Variants in FAF2 observed in about 807,000 individuals in gnomAD.
The protein encoded by FAF2 is FAS-associated factor 2.
Under a neutral mutation model 62.3 loss-of-function variants are expected in FAF2, and 9 were observed. That is an observed-to-expected ratio of 0.14 (90% CI 0.09 to 0.25). FAF2 has a LOEUF of 0.25. Among genes scored for constraint, FAF2 ranks in the 10% least tolerant of loss-of-function variants. The pLI, the probability that FAF2 is intolerant of heterozygous loss-of-function variation, is 1.00. For synonymous variants in FAF2, 202 were observed against 198.0 expected (o/e 1.02, Z -0.17); for missense variants, 368 against 556.2 (o/e 0.66, Z 3.40).
chr5:176,495,764 C>T (rs879323736), intron 7 of FAF2, among the ~76,000 whole-genome samples: 17 of 151,422 alleles, frequency 1.1e-4, no homozygotes, highest in African/African-American at 1.5e-4. Flanking sequence ...CAACCACCTC[C>T]GCCTCCCAAA....
chr5:176,494,057 A>G lies in FAF2; in HGVS notation c.542A>G (p.Asp181Gly). 2 of 1,614,052 alleles carry G rather than the reference A, an allele frequency of 1.2e-6. No homozygotes were observed. Among genetic ancestry groups the G allele is most frequent in the Non-Finnish European group, 1.7e-6 (2 of 1,179,952 alleles). The change falls in exon 6 of 11, where the codon GAT (aspartate) becomes GGT (glycine). Residue 181 changes from aspartate to glycine, a missense_variant. By Grantham distance (94) the Asp-to-Gly change is moderately conservative. This residue lies in a region of FAF2 where 331 missense variants were observed against 441.9 expected (regional missense o/e 0.75). Coordinates refer to ENST00000261942, the MANE Select transcript of FAF2 (RefSeq NM_014613.3). The surrounding 1 kb of genome is among the most constrained non-coding windows in gnomAD (Gnocchi z 4.0). Reference sequence around the variant, plus strand: ...CTTTTGGTTTATCTTCATGGAGATGATCACCAGGACTCTGATGAGTTTTGT... The same window carrying G: ...CTTTTGGTTTATCTTCATGGAGATGGTCACCAGGACTCTGATGAGTTTTGT... ...RFLLVYLHGD[D>G]HQDSDEFCRN...
chr5:176,451,375 A>G (rs1758165809), intron 1 of FAF2, among the ~76,000 whole-genome samples: 1 of 152,034 alleles, frequency 6.6e-6, no homozygotes, highest in African/African-American at 2.4e-5. Context: ...TGTCTCAAAA[A>G]AAAAATTTTT....
At chr5:176,451,831 TATATATATATACACACATATATATACAC>T (rs1561813472) in intron 1 of FAF2, among the ~76,000 whole-genome samples, 2 of 25,990 alleles carry the variant, frequency 7.7e-5, no homozygotes, top group African/African-American at 1.6e-4. Context: ...TATATATACA[TATATATATATACACACATATATATACAC>T]ATATATATAT....
At chr5:176,467,129 CTTTTTTT>C (rs374702773) in intron 1 of FAF2, among the ~76,000 whole-genome samples, 39,734 of 94,902 alleles carry the variant, frequency 0.42, 8,045 homozygotes, top group Admixed American at 0.51. Context: ...TTTTTTTTTC[CTTTTTTT>C]TTTTTTTTTT....
At chr5:176,457,040 T>C (rs932572154) in intron 1 of FAF2, among the ~76,000 whole-genome samples, 3 of 152,146 alleles carry the variant, frequency 2.0e-5, no homozygotes, top group Non-Finnish European at 4.4e-5. Context: ...GGCATCGATA[T>C]TTATGAACTC....
chr5:176,487,408 C>T (rs1758894337), intron 3 of FAF2, among the ~76,000 whole-genome samples: 1 of 151,974 alleles, frequency 6.6e-6, no homozygotes, highest in African/African-American at 2.4e-5. Context: ...GTCTTGAACT[C>T]CTGAGCTCAA....
intron 2 of FAF2, among the ~76,000 whole-genome samples, chr5:176,481,670 G>A (rs1209145707): frequency 6.6e-6 from 1 of 151,506 alleles, no homozygotes; most frequent in East Asian, 2.0e-4. Context: ...AAAAAAAAGG[G>A]AGAGAGAGAG....
chr5:176,495,932 G>A (rs1755458200), intron 7 of FAF2, among the ~76,000 whole-genome samples: 1 of 152,112 alleles, frequency 6.6e-6, no homozygotes, highest in Non-Finnish European at 1.5e-5. Flanking sequence ...AATGATGATG[G>A]AGATTATTAT....
At chr5:176,453,722 A>G (rs1348046859) in intron 1 of FAF2, 1 of 152,078 alleles carries the variant, frequency 6.6e-6, no homozygotes, top group Non-Finnish European at 1.5e-5. Flanking sequence ...GTGATCTTGA[A>G]CAGGTTCTCA....
At chr5:176,487,723 T>C (rs907242955) in intron 3 of FAF2, among the ~76,000 whole-genome samples, 1 of 152,220 alleles carries the variant, frequency 6.6e-6, no homozygotes, top group African/African-American at 2.4e-5. Context: ...GATAAGCAGC[T>C]ATATGGGGAT....
intron 10 of FAF2, among the ~76,000 whole-genome samples, chr5:176,501,302 A>G (rs1163300596): frequency 6.6e-6 from 1 of 152,230 alleles, no homozygotes; most frequent in Non-Finnish European, 1.5e-5. Context: ...TTGCAAATTT[A>G]TAGCTATAGT....
At chr5:176,460,174 A>T (rs1294798532) in intron 1 of FAF2, among the ~76,000 whole-genome samples, 1 of 152,214 alleles carries the variant, frequency 6.6e-6, no homozygotes, top group African/African-American at 2.4e-5. Flanking sequence ...TGCTATCATG[A>T]ATAATGCTGT....
chr5:176,463,724 G>GTTT (rs200216378), intron 1 of FAF2, among the ~76,000 whole-genome samples: 2 of 129,532 alleles, frequency 1.5e-5, no homozygotes, highest in Admixed American at 7.9e-5. Context: ...GTTATTGCAT[G>GTTT]TTTTTTTTTT....
At chr5:176,455,229 A>G (rs1758260934) in intron 1 of FAF2, among the ~76,000 whole-genome samples, 1 of 152,200 alleles carries the variant, frequency 6.6e-6, no homozygotes. Context: ...GGGTTATGCT[A>G]AAAAGATCCC....
rs550110458 is a variant in FAF2 at position 176,500,765 on chromosome 5, C to T, written c.1155+619C>T. 4.0e-5 allele frequency among the ~76,000 whole-genome samples: 6 copies of T among 151,732 alleles called. No individual in the cohort carries two copies. In the South Asian group the frequency reaches 1.0e-3, roughly 26 times the overall value. ...TCAAATTTTCATTCTTCCAGGGTTA[C>T]TAGATGTGTTTCCTTAGTCAGTTTA... is the stretch of plus-strand genomic sequence containing the variant. On this transcript the variant is annotated intron_variant, in intron 10 of 10. Coordinates refer to ENST00000261942, the MANE Select transcript of FAF2 (RefSeq NM_014613.3).
In FAF2 at chr5:176,509,982, T is replaced by G. The variant is rs1755750068; in HGVS notation, c.*3032T>G. The G allele has an allele frequency of 6.5e-6, 1 of 152,674 alleles. No homozygotes were observed. The highest frequency in any genetic ancestry group is 1.5e-5 in the Non-Finnish European group (1 of 68,048). The allele number at this position is 152,674 out of a possible 1,614,324, so 9.5% of individuals were successfully genotyped here. On this transcript the variant is annotated 3_prime_UTR_variant, in exon 11 of 11. Transcript: ENST00000261942. The stretch of plus-strand genomic sequence containing the variant: ...TGCGCCTGAATAGTCATGTGATAAT[T>G]TACTGAAGAAATCTAGTGTACTTTA...
At position 176,492,249 on chromosome 5, in the gene FAF2, G is replaced by A; in HGVS notation, c.400G>A (p.Gly134Arg). Residue 134 changes from glycine to arginine, a missense_variant, in exon 5 of 11, where the codon GGG becomes AGG. Physicochemically the swap from Gly to Arg is moderately radical, Grantham distance 125. Transcript: ENST00000261942. Reference protein sequence around the residue: ...DPRSRVTDPVGDIVSFMHSFE... With the variant: ...DPRSRVTDPVRDIVSFMHSFE... ...TCGCAGCCGGGTCACTGACCCCGTT[G>A]GGGACATTGTTTCATTTATGCACTC... The A allele has an allele frequency of 6.2e-7, 1 of 1,614,118 alleles. No individual in the cohort carries two copies. The highest frequency in any genetic ancestry group is 8.5e-7 in the Non-Finnish European group (1 of 1,180,004).
chr5:176,453,229 G>A (rs1375835970), intron 1 of FAF2: 1 of 152,224 alleles, frequency 6.6e-6, no homozygotes, highest in African/African-American at 2.4e-5. Context: ...GCTAATGCAG[G>A]TATGTGGAAG....
intron 1 of FAF2, among the ~76,000 whole-genome samples, chr5:176,461,784 G>A (rs1202380461): frequency 6.6e-6 from 1 of 151,970 alleles, no homozygotes; most frequent in Non-Finnish European, 1.5e-5. Flanking sequence ...CTTTTACTGT[G>A]TAGAAGCTCT....
Sources: allele counts gnomAD v4.1 joint callset (sites outside exome capture counted in the v4.1 genomes callset), GRCh38; gene constraint gnomAD v4.1.1; regional missense constraint gnomAD v4.1.1; non-coding constraint Gnocchi (gnomAD v3.1); transcripts MANE v1.5; gene names NCBI Gene and HGNC (gene_info 2026-07-23, HGNC 2026-07-21).